Variants in STX8 observed in about 807,000 individuals in gnomAD.
STX8 encodes the protein syntaxin 8, also known as syntaxin-8.
In STX8, 23 loss-of-function variants were observed where a neutral mutation model predicts 37.5. That is an observed-to-expected ratio of 0.61 (90% CI 0.44 to 0.87). The LOEUF (loss-of-function observed/expected upper bound fraction) is 0.87. STX8 is among the 40% of genes least tolerant of loss of function. The probability of loss-of-function intolerance (pLI) is 0.00; values close to 1 mark genes in which losing one functional copy is unlikely to be tolerated. For missense variants in STX8, 313 were observed against 284.7 expected, an observed-to-expected ratio of 1.10 and a Z score of -0.71; for synonymous variants, 115 against 99.1, an observed-to-expected ratio of 1.16 and a Z score of -0.95.
chr17:9,487,679 T>C lies in STX8; in HGVS notation c.541+4150A>G, dbSNP rs888735888. Among the ~76,000 whole-genome samples the C allele has an allele frequency of 4.0e-5, 6 of 151,872 alleles. No individual in the cohort carries two copies. In the East Asian group the frequency reaches 5.8e-4, roughly 15 times the overall value. On this transcript the variant is annotated intron_variant, in intron 6 of 7. Coordinates refer to ENST00000306357, the MANE Select transcript of STX8 (RefSeq NM_004853.3). ...TGGAAAAATACCTCCTATTTGTATA[T>C]GTACACATGTAGCCACCCGGGTATG...
chr17:9,536,313 C>G (rs1290666244), intron 4 of STX8, among the ~76,000 whole-genome samples: 1 of 152,120 alleles, frequency 6.6e-6, no homozygotes, highest in South Asian at 2.1e-4. Flanking sequence ...CATCGAGTAT[C>G]GGGAGATGAA....
At chr17:9,342,945 C>T (rs2003383) in intron 7 of STX8, among the ~76,000 whole-genome samples, 68,399 of 149,440 alleles carry the variant, frequency 0.46, 16,400 homozygotes, top group East Asian at 0.65. Flanking sequence ...CGCCTGAACC[C>T]GGGAGGCGGA....
rs182757264 is a variant in STX8 at position 9,408,876 on chromosome 17, A to T, written c.542-30223T>A. Among the ~76,000 whole-genome samples, 324 of 152,294 alleles carry T rather than the reference A, an allele frequency of 2.1e-3. 1 individual carries two copies. The highest frequency in any genetic ancestry group is 3.7e-3 in the Non-Finnish European group (249 of 68,026). On this transcript the variant is annotated intron_variant, in intron 6 of 7. Transcript: ENST00000306357. ...CTAAGTCTACGTGAGGGTCCTATGCAGGTCCAGGAGAACTGGGGATTCTGA... is the reference window on the plus strand; with the variant it reads ...CTAAGTCTACGTGAGGGTCCTATGCTGGTCCAGGAGAACTGGGGATTCTGA...
At chr17:9,513,076 A>G (rs963022220) in intron 4 of STX8, among the ~76,000 whole-genome samples, 3 of 152,216 alleles carry the variant, frequency 2.0e-5, no homozygotes, top group Non-Finnish European at 4.4e-5. Context: ...GAAACAGTCA[A>G]TAGAGTGAAA....
chr17:9,368,522 T>C (rs1005943117), intron 7 of STX8, among the ~76,000 whole-genome samples: 3 of 151,828 alleles, frequency 2.0e-5, no homozygotes, highest in African/African-American at 7.3e-5. Flanking sequence ...AAAGAAAACA[T>C]TGATGATCCC....
At chr17:9,298,296 G>A (rs1299130452) in intron 7 of STX8, among the ~76,000 whole-genome samples, 1 of 152,192 alleles carries the variant, frequency 6.6e-6, no homozygotes, top group Admixed American at 6.5e-5. Context: ...GTTGGCGGAG[G>A]TGGAACTTTC....
At chr17:9,414,474 T>C (rs1211662456) in intron 6 of STX8, among the ~76,000 whole-genome samples, 2 of 152,214 alleles carry the variant, frequency 1.3e-5, no homozygotes, top group Non-Finnish European at 2.9e-5. Context: ...ATTCTTATTC[T>C]CAATGTCATA....
chr17:9,416,428 A>G (rs1913196778), intron 6 of STX8, among the ~76,000 whole-genome samples: 1 of 151,714 alleles, frequency 6.6e-6, no homozygotes, highest in Non-Finnish European at 1.5e-5. Flanking sequence ...GGAGTACAGT[A>G]GCACGATCTC....
chr17:9,303,181 C>T (rs1353376068), intron 7 of STX8, among the ~76,000 whole-genome samples: 2 of 152,244 alleles, frequency 1.3e-5, no homozygotes, highest in South Asian at 2.1e-4. Flanking sequence ...GTCCCAGCTA[C>T]TCAGGAGGCT....
At chr17:9,338,482 C>T (rs898405350) in intron 7 of STX8, among the ~76,000 whole-genome samples, 16 of 152,150 alleles carry the variant, frequency 1.1e-4, no homozygotes, top group Non-Finnish European at 1.5e-4. Flanking sequence ...CCCATTTTGT[C>T]TGTGCTAACT....
chr17:9,567,794 C>T (rs1052756352), intron 2 of STX8, among the ~76,000 whole-genome samples: 2 of 152,192 alleles, frequency 1.3e-5, no homozygotes, highest in Non-Finnish European at 2.9e-5. Flanking sequence ...TCAAGCAATT[C>T]TCCTGCCTCA....
chr17:9,356,784 G>T (rs1245036828), intron 7 of STX8, among the ~76,000 whole-genome samples: 1 of 152,094 alleles, frequency 6.6e-6, no homozygotes, highest in Admixed American at 6.6e-5. Context: ...CAGCCCAGGG[G>T]CCAGGTCCTA....
chr17:9,303,060 G>A (rs776471670), intron 7 of STX8, among the ~76,000 whole-genome samples: 9 of 151,288 alleles, frequency 5.9e-5, no homozygotes, highest in Admixed American at 3.3e-4. Context: ...TTGGGAGGCC[G>A]AGGTGGGTGG....
At chr17:9,395,657 T>C (rs1398845988) in intron 6 of STX8, among the ~76,000 whole-genome samples, 1 of 152,214 alleles carries the variant, frequency 6.6e-6, no homozygotes, top group African/African-American at 2.4e-5. Flanking sequence ...CCTGCTGTTC[T>C]TTATGTCAAC....
Position 9,351,435 on chromosome 17 carries a change from G to C in STX8, c.643+27117C>G, listed in dbSNP as rs140654477. 2.6e-3 allele frequency among the ~76,000 whole-genome samples: 396 copies of C among 152,188 alleles called. 3 individuals are homozygous for C. The highest frequency in any genetic ancestry group is 8.9e-3 in the African/African-American group (371 of 41,536). ...GCCTCCCAAAGTGCTGGGATTACAG[G>C]TGTGAGCCACGGCGCCCGGCCTATT... On this transcript the variant is annotated intron_variant, in intron 7 of 7. Coordinates refer to ENST00000306357, the MANE Select transcript of STX8 (RefSeq NM_004853.3).
At chr17:9,351,915 G>A (rs983772287) in intron 7 of STX8, among the ~76,000 whole-genome samples, 2 of 152,008 alleles carry the variant, frequency 1.3e-5, no homozygotes, top group African/African-American at 2.4e-5. Flanking sequence ...TTGGGAGGCC[G>A]ACTTGGGAGG....
intron 7 of STX8, among the ~76,000 whole-genome samples, chr17:9,367,199 T>A (rs1259746173): frequency 1.3e-5 from 2 of 152,114 alleles, no homozygotes; most frequent in Admixed American, 1.3e-4. Flanking sequence ...TTTGCTTTTT[T>A]TCCCTGTCCA....
chr17:9,379,244 C>CAAAAA (rs34928127), intron 6 of STX8, among the ~76,000 whole-genome samples: 2 of 76,678 alleles, frequency 2.6e-5, no homozygotes, highest in African/African-American at 4.7e-5. Context: ...GACTCCATCT[C>CAAAAA]AAAAAAAAAA....
chr17:9,336,841 C>T (rs1910155574), intron 7 of STX8, among the ~76,000 whole-genome samples: 1 of 152,162 alleles, frequency 6.6e-6, no homozygotes, highest in South Asian at 2.1e-4. Context: ...AGGTCTTCCC[C>T]TTTTATTATC....
Sources: gnomAD v4.1 joint callset for allele counts (sites outside exome capture counted in the v4.1 genomes callset) on GRCh38, gnomAD v4.1.1 for gene constraint, MANE v1.5 for transcripts, NCBI Gene and HGNC (gene_info 2026-07-23, HGNC 2026-07-21) for gene names.